The following DMGDH variants were observed in gnomAD, a reference collection of about 807,000 sequenced individuals.
The protein encoded by DMGDH is dimethylglycine dehydrogenase, mitochondrial.
Under a neutral mutation model 95.2 loss-of-function variants are expected in DMGDH, and 76 were observed. That is an observed-to-expected ratio of 0.80 (90% confidence interval 0.66 to 0.97). The LOEUF (loss-of-function observed/expected upper bound fraction) is 0.97. Among genes scored for constraint, DMGDH ranks in the 50% least tolerant of loss-of-function variants. The pLI, the probability that DMGDH is intolerant of heterozygous loss-of-function variation, is 0.00. For missense variants in DMGDH, 987 were observed against 1,055.0 expected (o/e 0.94, Z 0.89); for synonymous variants, 345 against 377.6 (o/e 0.91, Z 1.00).
chr5:79,057,894 C>G (rs114981501), intron 2 of DMGDH, among the ~76,000 whole-genome samples: 119 of 152,226 alleles, frequency 7.8e-4, no homozygotes, highest in Middle Eastern at 3.4e-3. Flanking sequence ...AGCTTTATAC[C>G]TGGGTTAAGC....
intron 5 of DMGDH, among the ~76,000 whole-genome samples, chr5:79,050,555 T>G (rs993718331): frequency 6.6e-6 from 1 of 152,168 alleles, no homozygotes; most frequent in African/African-American, 2.4e-5. Flanking sequence ...TTATTTTGCA[T>G]GTGTGATACT....
Position 79,012,352 on chromosome 5 carries a change from G to A in DMGDH, c.2251-6945C>T, listed in dbSNP as rs181102437. 7.4e-4 allele frequency among the ~76,000 whole-genome samples: 113 copies of A among 152,352 alleles called. 1 individual carries two copies. Among genetic ancestry groups the A allele is most frequent in the Middle Eastern group, 3.4e-3 (1 of 294 alleles). On this transcript the variant is annotated intron_variant, in intron 14 of 15. Coordinates refer to ENST00000255189, the MANE Select transcript of DMGDH (RefSeq NM_013391.3). ...AAAAGCTTTGGGCAATTATGCTTCT[G>A]TGGCTTTGCAGGGTTCAGCCACCGT...
At chr5:79,054,720 C>CA (rs1304929262) in intron 3 of DMGDH, among the ~76,000 whole-genome samples, 1 of 152,118 alleles carries the variant, frequency 6.6e-6, no homozygotes, top group African/African-American at 2.4e-5. Flanking sequence ...AAGAGAAAGA[C>CA]AAAAAATTTA....
intron 4 of DMGDH, among the ~76,000 whole-genome samples, chr5:79,053,377 G>A (rs1000342284): frequency 1.3e-5 from 2 of 152,026 alleles, no homozygotes; most frequent in Non-Finnish European, 2.9e-5. Flanking sequence ...TGTTGCCTAG[G>A]CTAATCTTGA....
chr5:79,066,706 G>A (rs1265983538), intron 1 of DMGDH, among the ~76,000 whole-genome samples: 2 of 152,142 alleles, frequency 1.3e-5, no homozygotes, highest in East Asian at 3.9e-4. Flanking sequence ...AACTGATGTT[G>A]ACTCCTTCCC....
chr5:79,051,108 G>A (rs1033801308), intron 5 of DMGDH, among the ~76,000 whole-genome samples, 179 bp downstream of exon 5: 6 of 151,908 alleles, frequency 3.9e-5, no homozygotes, highest in African/African-American at 7.3e-5. Flanking sequence ...GAGTGATAGC[G>A]CATCCACCAA....
intron 14 of DMGDH, among the ~76,000 whole-genome samples, chr5:79,014,888 G>A (rs897616951): frequency 6.6e-6 from 1 of 152,150 alleles, no homozygotes; most frequent in Non-Finnish European, 1.5e-5. Flanking sequence ...ACAGGGGTGA[G>A]GCTAAGGATT....
At chr5:79,046,466 C>T (rs1249968210) in intron 5 of DMGDH, among the ~76,000 whole-genome samples, 3 of 152,150 alleles carry the variant, frequency 2.0e-5, no homozygotes, top group Admixed American at 6.5e-5. Flanking sequence ...TAACTCACTG[C>T]AGCCTCGACC....
rs1755288145 is a variant in DMGDH, at chr5:79,063,863, TACCCGTTTCTCTAGTACTTAAC to T, written c.102-98_102-77del. 2.8e-6 allele frequency: 4 copies of T among 1,437,412 alleles called. No homozygotes were observed. The African/African-American group carries it at 5.6e-5, about 20-fold the overall frequency. 89.0% of individuals were successfully genotyped at this position (1,437,412 alleles called of 1,614,324 possible). A position where few individuals can be genotyped will look rare whatever the true frequency, so the allele number is the denominator to read the frequency against. On this transcript the variant is annotated intron_variant, in intron 1 of 15. Coordinates refer to ENST00000255189, the MANE Select transcript of DMGDH (RefSeq NM_013391.3). ...AGTTCTGGCCTAAAGCACTTCCCCT[TACCCGTTTCTCTAGTACTTAAC>T]ACCCACTGACTGAGATTTGCATGAT...
chr5:78,997,889 G>A lies in DMGDH; in HGVS notation c.*193C>T. 1.6e-6 allele frequency: 1 copy of A among 624,646 alleles called. No individual in the cohort carries two copies. Among genetic ancestry groups the A allele is most frequent in the Admixed American group, 3.0e-5 (1 of 33,102 alleles). The allele number at this position is 624,646 out of a possible 1,614,324, so 38.7% of individuals were successfully genotyped here. On this transcript the variant is annotated 3_prime_UTR_variant, in exon 16 of 16. Coordinates refer to ENST00000255189, the MANE Select transcript of DMGDH (RefSeq NM_013391.3). ...AAATTTCTTCATTTAAAAGAACAAT[G>A]TAAATCATTTATCTATTATTCTGTC... is the stretch of plus-strand genomic sequence containing the variant.
chr5:79,051,565 TA>T, intron 4 of DMGDH, 74 bp from the exon 5 acceptor site: 2 of 1,384,816 alleles, frequency 1.4e-6, no homozygotes, highest in Non-Finnish European at 2.0e-6. Flanking sequence ...ATCCTGCTAG[TA>T]AACGTTTAGT....
intron 1 of DMGDH, among the ~76,000 whole-genome samples, chr5:79,066,216 T>C (rs184517665): frequency 6.6e-6 from 1 of 152,322 alleles, no homozygotes; most frequent in East Asian, 1.9e-4. Flanking sequence ...CCCCTTTAAT[T>C]TGGAACAGTT....
Position 79,050,433 on chromosome 5 carries a change from A to G in DMGDH, c.745+854T>C, listed in dbSNP as rs535552714. Among the ~76,000 whole-genome samples, 11 of 152,178 alleles carry G rather than the reference A, an allele frequency of 7.2e-5. No individual in the cohort carries two copies. In the South Asian group the frequency reaches 2.3e-3, roughly 32 times the overall value. ...TTATAATTTAAGCAAGAGCTCAAAG[A>G]AAATCAGTCACTGCCTCATGCTTAT... On this transcript the variant is annotated intron_variant, in intron 5 of 15. Transcript: ENST00000255189.
chr5:79,045,088 T>A (rs954929046), intron 5 of DMGDH, among the ~76,000 whole-genome samples: 9 of 152,168 alleles, frequency 5.9e-5, no homozygotes, highest in African/African-American at 2.2e-4. Context: ...AGTACAAGAT[T>A]GTTCTGTTAA....
chr5:79,046,862 A>G (rs553608541), intron 5 of DMGDH, among the ~76,000 whole-genome samples: 1 of 152,208 alleles, frequency 6.6e-6, no homozygotes, highest in Non-Finnish European at 1.5e-5. Context: ...ATTTGTTTCA[A>G]TTAAAAACAT....
Position 78,998,155 on chromosome 5 carries a change from A to G in DMGDH, c.2528T>C (p.Ile843Thr). The change falls in exon 16 of 16, where the codon ATA (isoleucine) becomes ACA (threonine). Residue 843 changes from isoleucine to threonine, a missense_variant. By Grantham distance (89) the Ile-to-Thr change is moderately conservative. Transcript: ENST00000255189. ...TTCGGTCAATACCAAAGGTTCTTGT[A>G]TGATGACTGCTGGGTAATTTTTGCC... Reference protein sequence around the residue: ...LLGKNYPAVIIQEPLVLTEPT... With the variant: ...LLGKNYPAVITQEPLVLTEPT... 1 of 1,614,254 alleles carries G rather than the reference A, an allele frequency of 6.2e-7. No homozygotes were observed. Among genetic ancestry groups the G allele is most frequent in the Non-Finnish European group, 8.5e-7 (1 of 1,180,048 alleles).
chr5:79,063,467 A>G lies in DMGDH; in HGVS notation c.276+146T>C, dbSNP rs913251309. ...AATATTGGTTGTCATCTGGAAGTAC[A>G]CCAGTTAAACTACAACTGCACTTCC... On this transcript the variant is annotated intron_variant, in intron 2 of 15. Coordinates refer to ENST00000255189, the MANE Select transcript of DMGDH (RefSeq NM_013391.3). 3.5e-6 allele frequency: 3 copies of G among 862,010 alleles called. No individual in the cohort carries two copies. In the South Asian group the frequency reaches 4.3e-5, roughly 12 times the overall value. 53.4% of individuals were successfully genotyped at this position (862,010 alleles called of 1,614,324 possible). A position where few individuals can be genotyped will look rare whatever the true frequency, so the allele number is the denominator to read the frequency against.
chr5:79,063,587 A>T (rs758450350), intron 2 of DMGDH, 26 bp downstream of exon 2: 3 of 1,614,146 alleles, frequency 1.9e-6, no homozygotes, highest in Non-Finnish European at 1.7e-6. Context: ...TTCCACGCTT[A>T]TGACAGTTTG....
At chr5:79,056,955 C>A (rs1461742536) in intron 2 of DMGDH, among the ~76,000 whole-genome samples, 2 of 152,204 alleles carry the variant, frequency 1.3e-5, no homozygotes, top group Admixed American at 1.3e-4. Context: ...CATGGACTAG[C>A]ACAGGATCTT....
Sources: allele counts gnomAD v4.1 joint callset (sites outside exome capture counted in the v4.1 genomes callset), GRCh38; gene constraint gnomAD v4.1.1; transcripts MANE v1.5; gene names NCBI Gene and HGNC (gene_info 2026-07-23, HGNC 2026-07-21).